PCDH15: variants seen among roughly 807,000 people sequenced by gnomAD.
PCDH15 encodes the protein protocadherin related 15, also known as protocadherin-15.
A neutral mutation model predicts 178.5 loss-of-function variants in PCDH15; 129 were observed. That is an observed-to-expected ratio of 0.72 (90% confidence interval 0.63 to 0.84). PCDH15 has a LOEUF of 0.84. Ranked by LOEUF, PCDH15 falls within the 40% of genes least tolerant of loss-of-function variation. The pLI is 0.00. For synonymous variants in PCDH15, 800 were observed against 732.0 expected, an observed-to-expected ratio of 1.09 and a Z score of -1.50; for missense variants, 2,230 against 2,099.9, an observed-to-expected ratio of 1.06 and a Z score of -1.21.
At chr10:54,872,890 A>C (rs903505944) in intron 3 of PCDH15, among the ~76,000 whole-genome samples, 8 of 152,058 alleles carry the variant, frequency 5.3e-5, no homozygotes, top group African/African-American at 1.9e-4. Flanking sequence ...ACAATTTACC[A>C]TTCATTCCTA....
chr10:55,483,967 T>G (rs2132121126), intron 2 of PCDH15, among the ~76,000 whole-genome samples: 1 of 151,832 alleles, frequency 6.6e-6, no homozygotes, highest in Non-Finnish European at 1.5e-5. Flanking sequence ...ATAATACGCA[T>G]ACATAAAAAT....
chr10:54,536,791 T>C (rs2084580609), intron 2 of PCDH15, among the ~76,000 whole-genome samples: 2 of 152,292 alleles, frequency 1.3e-5, no homozygotes, highest in South Asian at 2.1e-4. Flanking sequence ...GATAACAGCC[T>C]ATAACTGCAT....
chr10:54,859,972 A>G (rs951831415), intron 3 of PCDH15, among the ~76,000 whole-genome samples: 1 of 152,004 alleles, frequency 6.6e-6, no homozygotes, highest in Non-Finnish European at 1.5e-5. Flanking sequence ...GCATGTAATA[A>G]ACTATGACAA....
intron 2 of PCDH15, among the ~76,000 whole-genome samples, chr10:55,093,695 G>GA (rs1269465413): frequency 1.3e-5 from 2 of 151,940 alleles, no homozygotes; most frequent in South Asian, 2.1e-4. Flanking sequence ...AAATTTACAA[G>GA]AAAAAATCAA....
intron 3 of PCDH15, among the ~76,000 whole-genome samples, chr10:54,390,153 G>T (rs1026673592): frequency 9.2e-5 from 14 of 152,126 alleles, no homozygotes; most frequent in Non-Finnish European, 1.9e-4. Flanking sequence ...TGAATTCAGG[G>T]TGAATGCATT....
chr10:55,093,009 A>T (rs949999137), intron 2 of PCDH15, among the ~76,000 whole-genome samples: 1 of 152,094 alleles, frequency 6.6e-6, no homozygotes, highest in Non-Finnish European at 1.5e-5. Flanking sequence ...TAATAAATTA[A>T]ATCTTACAGA....
intron 18 of PCDH15, among the ~76,000 whole-genome samples, chr10:54,057,670 T>C (rs2093925515): frequency 6.6e-6 from 1 of 152,142 alleles, no homozygotes; most frequent in African/African-American, 2.4e-5. Flanking sequence ...ATTTCCCCCA[T>C]TGTCTTGGTG....
At chr10:55,038,653 G>A (rs1042357067) in intron 2 of PCDH15, among the ~76,000 whole-genome samples, 1 of 152,156 alleles carries the variant, frequency 6.6e-6, no homozygotes, top group African/African-American at 2.4e-5. Flanking sequence ...CTGTTCTGAT[G>A]GGCAGTTGTG....
At chr10:54,785,693 G>A (rs540027985) in intron 1 of PCDH15, among the ~76,000 whole-genome samples, 140 of 152,076 alleles carry the variant, frequency 9.2e-4, no homozygotes, top group African/African-American at 3.3e-3. Context: ...AACTTAGGCT[G>A]AGACAAGGGG....
At chr10:53,880,267 T>C (rs1315525251) in intron 26 of PCDH15, among the ~76,000 whole-genome samples, 3 of 152,176 alleles carry the variant, frequency 2.0e-5, no homozygotes, top group African/African-American at 7.2e-5. Context: ...GCCCAAAATT[T>C]GCAACAGAGC....
intron 3 of PCDH15, among the ~76,000 whole-genome samples, chr10:54,503,225 A>ATGTGTGTGTGTGTGTGTG (rs35951831): frequency 2.4e-5 from 2 of 83,776 alleles, no homozygotes; most frequent in East Asian, 3.2e-3. Context: ...ATACATATAT[A>ATGTGTGTGTGTGTGTGTG]TGTGTGTGTG....
At chr10:55,089,235 C>T (rs1308120482) in intron 2 of PCDH15, among the ~76,000 whole-genome samples, 1 of 152,068 alleles carries the variant, frequency 6.6e-6, no homozygotes, top group African/African-American at 2.4e-5. Context: ...ATACAATCAT[C>T]GAATCACAAC....
chr10:54,358,041 G>T (rs1232456024), intron 5 of PCDH15, among the ~76,000 whole-genome samples: 1 of 147,866 alleles, frequency 6.8e-6, no homozygotes, highest in African/African-American at 2.6e-5. Context: ...TTAAACATTA[G>T]ACCTTAAACG....
chr10:54,238,784 G>A (rs866943661), intron 8 of PCDH15, among the ~76,000 whole-genome samples: 1 of 150,672 alleles, frequency 6.6e-6, no homozygotes, highest in Non-Finnish European at 1.5e-5. Flanking sequence ...AAAATCTGAA[G>A]TTCTTTGAAA....
chr10:55,000,755 G>A (rs937435879), intron 2 of PCDH15, among the ~76,000 whole-genome samples: 1 of 152,168 alleles, frequency 6.6e-6, no homozygotes, highest in African/African-American at 2.4e-5. Context: ...CACAATTTAT[G>A]TTCTTCCACC....
chr10:54,966,100 A>G (rs1838781571), intron 2 of PCDH15, among the ~76,000 whole-genome samples: 1 of 151,984 alleles, frequency 6.6e-6, no homozygotes. Flanking sequence ...CTATAGGAAC[A>G]TGGTCAACAG....
chr10:54,751,792 TAG>T (rs1188369554), intron 1 of PCDH15, among the ~76,000 whole-genome samples: 4 of 152,176 alleles, frequency 2.6e-5, no homozygotes, highest in Non-Finnish European at 4.4e-5. Context: ...AAAAGAGAAT[TAG>T]ACAGTATCTT....
At chr10:54,791,968 C>T (rs986473742) in intron 1 of PCDH15, among the ~76,000 whole-genome samples, 1 of 151,796 alleles carries the variant, frequency 6.6e-6, no homozygotes, top group African/African-American at 2.4e-5. Context: ...AACACAAAAG[C>T]CCTGTACACA....
chr10:53,918,822 T>C (rs1287407511), intron 25 of PCDH15, among the ~76,000 whole-genome samples: 1 of 151,958 alleles, frequency 6.6e-6, no homozygotes, highest in Non-Finnish European at 1.5e-5. Context: ...AATTAGTGGT[T>C]TAAAACAACA....
Sources: gnomAD v4.1 joint callset for allele counts (sites outside exome capture counted in the v4.1 genomes callset) on GRCh38, gnomAD v4.1.1 for gene constraint, MANE v1.5 for transcripts, NCBI Gene and HGNC (gene_info 2026-07-23, HGNC 2026-07-21) for gene names.